Variants in CNOT4 observed in about 807,000 individuals in gnomAD.
CNOT4 encodes CCR4-NOT transcription complex subunit 4.
CNOT4 carries 8 observed loss-of-function variants against 73.8 expected under a neutral mutation model. The ratio of observed to expected loss-of-function variants is 0.11; its 90% CI spans 0.06 to 0.20. CNOT4 has a LOEUF of 0.20. Among genes scored for constraint, CNOT4 ranks in the 10% least tolerant of loss-of-function variants. The pLI is 1.00. For missense variants in CNOT4, 564 were observed against 883.4 expected, an observed-to-expected ratio of 0.64 and a Z score of 4.58; for synonymous variants, 293 against 321.1, an observed-to-expected ratio of 0.91 and a Z score of 0.94.
At chr7:135,491,830 A>C (rs1803131092) in intron 1 of CNOT4, among the ~76,000 whole-genome samples, 1 of 152,152 alleles carries the variant, frequency 6.6e-6, no homozygotes, top group Non-Finnish European at 1.5e-5. Flanking sequence ...GTCCAGAGTA[A>C]ATCTATAGGA....
chr7:135,452,109 C>A lies in CNOT4; in HGVS notation c.-92-13686G>T, dbSNP rs146257130. 3.2e-3 allele frequency among the ~76,000 whole-genome samples: 490 copies of A among 151,840 alleles called. 1 individual carries two copies. The highest frequency in any genetic ancestry group is 5.7e-3 in the Non-Finnish European group (384 of 67,936). On this transcript the variant is annotated intron_variant, in intron 1 of 11. Transcript: ENST00000541284. The stretch of plus-strand genomic sequence containing the variant: ...CAAAAAATAGCTGGGCATGGAGGAG[C>A]ACACCTGTAGTGCCAGCTACTGCGG...
intron 1 of CNOT4, among the ~76,000 whole-genome samples, chr7:135,475,769 C>T (rs1265394736): frequency 2.0e-5 from 3 of 151,948 alleles, no homozygotes; most frequent in East Asian, 1.9e-4. Context: ...AAATCAGCCA[C>T]GCATGGTGGT....
intron 1 of CNOT4, among the ~76,000 whole-genome samples, chr7:135,458,225 T>C (rs1800664846): frequency 6.6e-6 from 1 of 152,142 alleles, no homozygotes; most frequent in Non-Finnish European, 1.5e-5. Flanking sequence ...GTTTACACTA[T>C]ACTGTAGTAT....
intron 10 of CNOT4, chr7:135,387,678 C>T (rs1244868173): frequency 1.0e-6 from 1 of 985,002 alleles, no homozygotes; most frequent in African/African-American, 1.7e-5. Context: ...TTTTCTGAAT[C>T]AGCTTTTGTC....
At chr7:135,404,561 A>G (rs2129483810) in intron 7 of CNOT4, among the ~76,000 whole-genome samples, 1 of 152,280 alleles carries the variant, frequency 6.6e-6, no homozygotes, top group East Asian at 1.9e-4. Context: ...CTACAAATCT[A>G]TGAACTATGT....
chr7:135,444,639 T>G, intron 1 of CNOT4: 1 of 1,169,308 alleles, frequency 8.6e-7, no homozygotes. Flanking sequence ...CAAGGCTGCA[T>G]CTCTCCACTG....
chr7:135,406,992 G>GA (rs1797328430), intron 7 of CNOT4, among the ~76,000 whole-genome samples: 1 of 152,218 alleles, frequency 6.6e-6, no homozygotes, highest in African/African-American at 2.4e-5. Flanking sequence ...GGCCTGGTGG[G>GA]AGGCATTTGA....
chr7:135,420,576 C>T (rs1256021348), intron 3 of CNOT4, among the ~76,000 whole-genome samples: 2 of 61,464 alleles, frequency 3.3e-5, no homozygotes, highest in South Asian at 8.4e-4. Flanking sequence ...GACCATGTCT[C>T]CAAAAAAAAA....
At chr7:135,398,780 T>G (rs1181251536) in intron 7 of CNOT4, among the ~76,000 whole-genome samples, 1 of 152,114 alleles carries the variant, frequency 6.6e-6, no homozygotes, top group Non-Finnish European at 1.5e-5. Context: ...TTTTTGTGCA[T>G]GTGATAAACA....
intron 6 of CNOT4, 133 bp downstream of exon 6, chr7:135,413,355 T>C: frequency 1.0e-6 from 1 of 1,002,298 alleles, no homozygotes; most frequent in South Asian, 1.5e-5. Context: ...ACACTTCATT[T>C]GGCAAATGCT....
At chr7:135,460,667 A>G (rs1800822206) in intron 1 of CNOT4, among the ~76,000 whole-genome samples, 1 of 152,218 alleles carries the variant, frequency 6.6e-6, no homozygotes, top group African/African-American at 2.4e-5. Context: ...AAATATTGTG[A>G]GAATTACCCA....
intron 10 of CNOT4, among the ~76,000 whole-genome samples, chr7:135,367,386 G>A (rs1794971588): frequency 6.6e-6 from 1 of 152,134 alleles, no homozygotes; most frequent in South Asian, 2.1e-4. Context: ...AGGTCTCATA[G>A]AGAAAACATT....
chr7:135,406,593 C>T (rs570650999), intron 7 of CNOT4, among the ~76,000 whole-genome samples: 2 of 152,172 alleles, frequency 1.3e-5, no homozygotes, highest in African/African-American at 4.8e-5. Flanking sequence ...CCTGGGAGGT[C>T]AAGGCTGCAG....
intron 10 of CNOT4, among the ~76,000 whole-genome samples, chr7:135,379,590 G>A (rs539892122): frequency 3.1e-4 from 47 of 152,208 alleles, no homozygotes; most frequent in Non-Finnish European, 5.3e-4. Flanking sequence ...ATATGTGTGT[G>A]TGTATATATA....
intron 1 of CNOT4, among the ~76,000 whole-genome samples, chr7:135,448,239 G>A (rs150474445): frequency 5.3e-5 from 8 of 152,168 alleles, no homozygotes; most frequent in Non-Finnish European, 1.0e-4. Context: ...ATAAAATTAC[G>A]AGCCATGTAA....
intron 1 of CNOT4, among the ~76,000 whole-genome samples, chr7:135,466,152 T>C (rs1801205142): frequency 6.6e-6 from 1 of 152,022 alleles, no homozygotes. Context: ...TTAAGCTGTG[T>C]TATTATAAAA....
At chr7:135,463,364 C>G (rs979256103) in intron 1 of CNOT4, among the ~76,000 whole-genome samples, 1 of 152,040 alleles carries the variant, frequency 6.6e-6, no homozygotes, top group African/African-American at 2.4e-5. Context: ...ATGCTGAAAC[C>G]CTGTCTCTAT....
chr7:135,457,708 T>G (rs1392230793), intron 1 of CNOT4, among the ~76,000 whole-genome samples: 7 of 152,202 alleles, frequency 4.6e-5, no homozygotes, highest in African/African-American at 1.7e-4. Context: ...CAAAGGGAAA[T>G]TACTTAACTT....
At chr7:135,486,611 A>G (rs767306420) in intron 1 of CNOT4, among the ~76,000 whole-genome samples, 1 of 152,276 alleles carries the variant, frequency 6.6e-6, no homozygotes, top group Non-Finnish European at 1.5e-5. Context: ...ACAAATGTTC[A>G]TAACAGCTTT....
Sources: allele counts gnomAD v4.1 joint callset (sites outside exome capture counted in the v4.1 genomes callset), GRCh38; gene constraint gnomAD v4.1.1; transcripts MANE v1.5; gene names NCBI Gene and HGNC (gene_info 2026-07-23, HGNC 2026-07-21).